QTMAN: variants seen among roughly 807,000 people sequenced by gnomAD.
QTMAN encodes the protein queuosine-tRNA mannosyltransferase, also known as tRNA-queuosine alpha-mannosyltransferase.
At chr2:144,122,393 A>T in the QTMAN span, among the ~76,000 whole-genome samples, 1 of 152,204 alleles carries the variant, frequency 6.6e-6, no homozygotes, top group Non-Finnish European at 1.5e-5. Context: ...AGAAAATATT[A>T]TAAGAGCTAT....
At chr2:143,980,749 TATCTTAAC>T in the QTMAN span, among the ~76,000 whole-genome samples, 1 of 152,360 alleles carries the variant, frequency 6.6e-6, no homozygotes, top group South Asian at 2.1e-4. Context: ...TTTCACGTCA[TATCTTAAC>T]ATCGCTGAGC....
the QTMAN span, among the ~76,000 whole-genome samples, chr2:144,010,497 A>C: frequency 6.6e-5 from 10 of 152,108 alleles, no homozygotes; most frequent in African/African-American, 2.4e-4. Context: ...GCACATAGAA[A>C]ACACCATTTA....
chr2:143,982,686 C>T, the QTMAN span, among the ~76,000 whole-genome samples: 57 of 151,086 alleles, frequency 3.8e-4, no homozygotes, highest in Non-Finnish European at 6.6e-4. Flanking sequence ...CATGGTGAAA[C>T]GCCCTCACCT....
the QTMAN span, among the ~76,000 whole-genome samples, chr2:143,971,523 G>A: frequency 6.6e-6 from 1 of 152,022 alleles, no homozygotes; most frequent in Non-Finnish European, 1.5e-5. Flanking sequence ...GAGGCTAAAG[G>A]ACACTAACAT....
the QTMAN span, among the ~76,000 whole-genome samples, chr2:144,151,562 GGT>G: frequency 6.6e-6 from 1 of 152,050 alleles, no homozygotes; most frequent in Admixed American, 6.6e-5. Flanking sequence ...GGCCTGACTG[GGT>G]GTACTGATAA....
chr2:143,990,767 A>T, the QTMAN span, among the ~76,000 whole-genome samples: 2 of 152,206 alleles, frequency 1.3e-5, no homozygotes, highest in Non-Finnish European at 2.9e-5. Context: ...CATAGGAAAT[A>T]AAGTCCCATA....
the QTMAN span, among the ~76,000 whole-genome samples, chr2:144,324,303 T>C: frequency 6.6e-6 from 1 of 152,338 alleles, no homozygotes; most frequent in Admixed American, 6.5e-5. Context: ...TTTTACTAAT[T>C]TGATTACCTC....
the QTMAN span, among the ~76,000 whole-genome samples, chr2:144,229,785 T>C: frequency 1.1e-4 from 17 of 152,338 alleles, no homozygotes; most frequent in East Asian, 2.7e-3. Flanking sequence ...CTAGCCTAAA[T>C]TGTCACGAAG....
chr2:144,242,971 A>G, the QTMAN span, among the ~76,000 whole-genome samples: 8 of 150,712 alleles, frequency 5.3e-5, no homozygotes, highest in Non-Finnish European at 1.5e-5. Flanking sequence ...AAAAAAAAAA[A>G]AAAAAAAAAA....
chr2:144,265,153 A>C, the QTMAN span, among the ~76,000 whole-genome samples: 1 of 152,288 alleles, frequency 6.6e-6, no homozygotes, highest in East Asian at 1.9e-4. Flanking sequence ...ATCTTGGTTA[A>C]TGCAAGCCCA....
the QTMAN span, among the ~76,000 whole-genome samples, chr2:144,056,329 T>C: frequency 6.6e-6 from 1 of 152,230 alleles, no homozygotes; most frequent in Admixed American, 6.5e-5. Flanking sequence ...TAAAGAACTA[T>C]GTGTGGTCTG....
At chr2:144,141,072 C>T in the QTMAN span, among the ~76,000 whole-genome samples, 1 of 152,002 alleles carries the variant, frequency 6.6e-6, no homozygotes, top group Admixed American at 6.6e-5. Context: ...TTCCTGCCTT[C>T]ATTTCAGGGA....
At chr2:144,131,266 T>A in the QTMAN span, among the ~76,000 whole-genome samples, 1 of 151,824 alleles carries the variant, frequency 6.6e-6, no homozygotes, top group Non-Finnish European at 1.5e-5. Flanking sequence ...TGTTTCTCAA[T>A]TCCAATAGCA....
chr2:144,132,831 C>T, the QTMAN span, among the ~76,000 whole-genome samples: 1 of 151,552 alleles, frequency 6.6e-6, no homozygotes, highest in Non-Finnish European at 1.5e-5. Context: ...AATAAAGCTA[C>T]TAAAATCTGC....
At chr2:144,010,508 G>A in the QTMAN span, among the ~76,000 whole-genome samples, 1 of 152,040 alleles carries the variant, frequency 6.6e-6, no homozygotes, top group Non-Finnish European at 1.5e-5. Flanking sequence ...ACACCATTTA[G>A]ACCATGCTGA....
chr2:144,274,915 G>A, the QTMAN span, among the ~76,000 whole-genome samples: 10 of 152,146 alleles, frequency 6.6e-5, no homozygotes, highest in East Asian at 1.9e-4. Flanking sequence ...GCAGTACTGC[G>A]GGACTGAGCC....
the QTMAN span, among the ~76,000 whole-genome samples, chr2:144,224,322 C>T: frequency 7.9e-4 from 120 of 152,228 alleles, no homozygotes; most frequent in African/African-American, 2.8e-3. Context: ...TGTTTTGTAT[C>T]CTTTTCAGCC....
the QTMAN span, among the ~76,000 whole-genome samples, chr2:144,064,560 G>A: frequency 6.6e-6 from 1 of 152,132 alleles, no homozygotes; most frequent in African/African-American, 2.4e-5. Context: ...CTGCGTTTGA[G>A]GAGAACTCAA....
chr2:144,190,298 G>A, the QTMAN span, among the ~76,000 whole-genome samples: 52 of 152,062 alleles, frequency 3.4e-4, 1 homozygote, highest in South Asian at 1.0e-3. Context: ...TTGCTCACTC[G>A]TTCAAATCAC....
Sources: gnomAD v4.1 joint callset for allele counts (sites outside exome capture counted in the v4.1 genomes callset) on GRCh38, gnomAD v4.1.1 for gene constraint, MANE v1.5 for transcripts, NCBI Gene and HGNC (gene_info 2026-07-23, HGNC 2026-07-21) for gene names.